Variants in TMEM132B observed in about 807,000 individuals in gnomAD.
TMEM132B encodes the protein transmembrane protein 132B.
TMEM132B carries 18 observed loss-of-function variants against 90.8 expected under a neutral mutation model. The observed-to-expected ratio is 0.20, with a 90% CI of 0.14 to 0.29. The LOEUF (loss-of-function observed/expected upper bound fraction) is 0.29, where lower values mean the gene tolerates loss of function less well. Among genes scored for constraint, TMEM132B ranks in the 10% least tolerant of loss-of-function variants. The pLI is 1.00. For synonymous variants in TMEM132B, 504 were observed against 523.3 expected, an observed-to-expected ratio of 0.96 and a Z score of 0.50; for missense variants, 1,096 against 1,326.8, an observed-to-expected ratio of 0.83 and a Z score of 2.70.
intron 1 of TMEM132B, among the ~76,000 whole-genome samples, chr12:125,345,566 C>T (rs1269838096): frequency 1.3e-5 from 2 of 152,206 alleles, no homozygotes; most frequent in Non-Finnish European, 2.9e-5. Context: ...ATCTCCTCCC[C>T]TCTCTTCCTG....
At chr12:125,643,669 T>C (rs1886685677) in intron 5 of TMEM132B, among the ~76,000 whole-genome samples, 1 of 152,328 alleles carries the variant, frequency 6.6e-6, no homozygotes, top group Non-Finnish European at 1.5e-5. Context: ...AATAATGTGC[T>C]TTTTCAGTAA....
At chr12:125,451,343 G>A (rs571445819) in intron 3 of TMEM132B, among the ~76,000 whole-genome samples, 1 of 152,222 alleles carries the variant, frequency 6.6e-6, no homozygotes, top group East Asian at 1.9e-4. Flanking sequence ...AGATGGTTCA[G>A]AAAAAGTACA....
intron 2 of TMEM132B, among the ~76,000 whole-genome samples, chr12:125,376,996 G>A (rs555801112): frequency 1.8e-4 from 27 of 152,340 alleles, no homozygotes; most frequent in Middle Eastern, 3.4e-3. Flanking sequence ...ATCCCTTAGC[G>A]GGACAGGGCA....
At chr12:125,220,598 AG>A (rs1186943714) in intron 1 of TMEM132B, among the ~76,000 whole-genome samples, 1 of 152,212 alleles carries the variant, frequency 6.6e-6, no homozygotes, top group Non-Finnish European at 1.5e-5. Flanking sequence ...GAAGCTGATC[AG>A]GCTTGGGTTT....
chr12:125,196,420 A>G (rs1202885776), intron 1 of TMEM132B, among the ~76,000 whole-genome samples: 2 of 152,212 alleles, frequency 1.3e-5, no homozygotes, highest in Admixed American at 1.3e-4. Context: ...TTTTTACATC[A>G]TTAATGGCTG....
At chr12:125,315,107 G>A (rs543906513) in intron 1 of TMEM132B, among the ~76,000 whole-genome samples, 1 of 152,382 alleles carries the variant, frequency 6.6e-6, no homozygotes, top group South Asian at 2.1e-4. Context: ...CTTATGCACA[G>A]AAGGAAGTAG....
In TMEM132B at chr12:125,544,118, A is replaced by G. The variant is rs564534433; in HGVS notation, c.1293+24493A>G. ...ACAGAAACAGAAAACCAAACACTGC[A>G]TGTTCTCACTCATAGGTGGGAGTTG... On this transcript the variant is annotated intron_variant, in intron 4 of 8. Coordinates refer to ENST00000682704, the MANE Select transcript of TMEM132B (RefSeq NM_001366854.1). 5.3e-5 allele frequency among the ~76,000 whole-genome samples: 8 copies of G among 152,330 alleles called. No individual in the cohort carries two copies. The South Asian group carries it at 1.7e-3, about 32-fold the overall frequency.
At chr12:125,247,347 A>G (rs548755496) in intron 1 of TMEM132B, among the ~76,000 whole-genome samples, 1 of 152,280 alleles carries the variant, frequency 6.6e-6, no homozygotes, top group South Asian at 2.1e-4. Context: ...GGCTCTATCT[A>G]GTTTAAAACC....
At chr12:125,444,342 AAC>A (rs1304747612) in intron 3 of TMEM132B, among the ~76,000 whole-genome samples, 4 of 152,180 alleles carry the variant, frequency 2.6e-5, no homozygotes, top group Non-Finnish European at 5.9e-5. Context: ...GTTCTATATA[AAC>A]AGTTTTCTCT....
At chr12:125,494,346 G>A (rs1211829768) in intron 3 of TMEM132B, among the ~76,000 whole-genome samples, 5 of 97,606 alleles carry the variant, frequency 5.1e-5, no homozygotes, top group African/African-American at 8.4e-5. Flanking sequence ...AAAAGGATGC[G>A]TCCCTCCGCC....
intron 5 of TMEM132B, among the ~76,000 whole-genome samples, chr12:125,600,597 T>G (rs779838165): frequency 7.9e-5 from 12 of 152,218 alleles, no homozygotes; most frequent in Non-Finnish European, 1.2e-4. Context: ...TTTTGCCTGT[T>G]GATTGATTCA....
At chr12:125,409,365 A>C (rs970186579) in intron 2 of TMEM132B, among the ~76,000 whole-genome samples, 1 of 152,140 alleles carries the variant, frequency 6.6e-6, no homozygotes, top group Admixed American at 6.5e-5. Flanking sequence ...GTGTGGCTTC[A>C]CTGTGATCCT....
chr12:125,193,942 G>A (rs1223787322), intron 1 of TMEM132B, among the ~76,000 whole-genome samples: 3 of 152,232 alleles, frequency 2.0e-5, no homozygotes, highest in Non-Finnish European at 4.4e-5. Context: ...TCCACCAGCT[G>A]TGTGGCTTTC....
At chr12:125,206,174 C>T (rs1291128793) in intron 1 of TMEM132B, among the ~76,000 whole-genome samples, 2 of 152,148 alleles carry the variant, frequency 1.3e-5, no homozygotes, top group Non-Finnish European at 2.9e-5. Flanking sequence ...TTCCTTTGGT[C>T]TTCCTCAGAG....
intron 1 of TMEM132B, among the ~76,000 whole-genome samples, chr12:125,297,487 C>A (rs1593074093): frequency 6.6e-6 from 1 of 152,240 alleles, no homozygotes; most frequent in African/African-American, 2.4e-5. Context: ...GAAAGCAGAG[C>A]AGGACCACGC....
chr12:125,244,843 C>T (rs781694126), intron 1 of TMEM132B, among the ~76,000 whole-genome samples: 1 of 152,186 alleles, frequency 6.6e-6, no homozygotes, highest in African/African-American at 2.4e-5. Flanking sequence ...GCTCCTGAGC[C>T]GCTGAAAGAA....
chr12:125,194,338 A>G (rs1334493929), intron 1 of TMEM132B, among the ~76,000 whole-genome samples: 1 of 152,082 alleles, frequency 6.6e-6, no homozygotes, highest in Non-Finnish European at 1.5e-5. Context: ...GGGGTGACTC[A>G]GTAAATCATG....
At chr12:125,236,930 C>T (rs370287585) in intron 1 of TMEM132B, among the ~76,000 whole-genome samples, 6 of 152,218 alleles carry the variant, frequency 3.9e-5, no homozygotes, top group African/African-American at 7.2e-5. Context: ...CAGGATGGTG[C>T]GGGAGCAGGA....
At position 125,406,441 on chromosome 12, in the gene TMEM132B, T is replaced by C. The variant is rs1420782954; in HGVS notation, c.960-9090T>C. 6.6e-6 allele frequency among the ~76,000 whole-genome samples: 1 copy of C among 152,138 alleles called. No homozygotes were observed. The highest frequency in any genetic ancestry group is 1.5e-5 in the Non-Finnish European group (1 of 68,024). ...AACAAGTTCTTTTTCTACTGTGAAA[T>C]GGGTACCGGGGAAAGGTGAGCCACA... On this transcript the variant is annotated intron_variant, in intron 2 of 8. Coordinates refer to ENST00000682704, the MANE Select transcript of TMEM132B (RefSeq NM_001366854.1). This position sits in a 1 kb window ranked among gnomAD's most constrained non-coding sequence, Gnocchi z 8.3.
Sources: allele counts gnomAD v4.1 joint callset (sites outside exome capture counted in the v4.1 genomes callset), GRCh38; gene constraint gnomAD v4.1.1; non-coding constraint Gnocchi (gnomAD v3.1); transcripts MANE v1.5; gene names NCBI Gene and HGNC (gene_info 2026-07-23, HGNC 2026-07-21).